NKX6-1: variants seen among roughly 807,000 people sequenced by gnomAD.
The protein encoded by NKX6-1 is NK6 homeobox 1.
A neutral mutation model predicts 24.9 loss-of-function variants in NKX6-1; 11 were observed. That is an observed-to-expected ratio of 0.44 (90% CI 0.28 to 0.73). NKX6-1 has a LOEUF of 0.73. Ranked by LOEUF, NKX6-1 falls within the 30% of genes least tolerant of loss-of-function variation. NKX6-1 has a pLI of 0.15. For synonymous variants in NKX6-1, 277 were observed against 242.9 expected, an observed-to-expected ratio of 1.14 and a Z score of -1.31; for missense variants, 487 against 502.9, an observed-to-expected ratio of 0.97 and a Z score of 0.30.
Position 84,493,019 on chromosome 4 carries a change from C to A in NKX6-1, c.*270G>T, listed in dbSNP as rs547700817. The A allele has an allele frequency of 4.0e-6, 1 of 253,070 alleles. No homozygotes were observed. The highest frequency in any genetic ancestry group is 5.5e-5 in the Admixed American group (1 of 18,068). 15.7% of individuals were successfully genotyped at this position (253,070 alleles called of 1,614,324 possible). A position where few individuals can be genotyped will look rare whatever the true frequency, so the allele number is the denominator to read the frequency against. ...CGCGGCTGGGACCGTGGCCCGGCTGCGGGTTTCAGTAGCGACATTTACGCA... is the reference window on the plus strand; with the variant it reads ...CGCGGCTGGGACCGTGGCCCGGCTGAGGGTTTCAGTAGCGACATTTACGCA... On this transcript the variant is annotated 3_prime_UTR_variant, in exon 3 of 3. Coordinates refer to ENST00000295886, the MANE Select transcript of NKX6-1 (RefSeq NM_006168.3). The surrounding 1 kb of genome is among the most constrained non-coding windows in gnomAD (Gnocchi z 5.1).
Position 84,497,761 on chromosome 4 carries a change from C to G in NKX6-1, c.468G>C (p.Leu156=). 7.8e-7 allele frequency: 1 copy of G among 1,276,610 alleles called. No individual in the cohort carries two copies. The allele number at this position is 1,276,610 out of a possible 1,614,324, so 79.1% of individuals were successfully genotyped here. A position where few individuals can be genotyped will look rare whatever the true frequency, so the allele number is the denominator to read the frequency against. Residue 156 remains leucine (L), a synonymous_variant, in exon 1 of 3, where the codon CTG becomes CTC. Coordinates refer to ENST00000295886, the MANE Select transcript of NKX6-1 (RefSeq NM_006168.3). The surrounding 1 kb of genome is among the most constrained non-coding windows in gnomAD (Gnocchi z 4.8). The part of the protein sequence containing the change: ...AAAAASSPAG[L]LAGLPRFSSL... ...TGCTAAAGCGTGGCAGTCCGGCCAG[C>G]AGCCCCGCCGGGGATGAGGCGGCGG... is the stretch of plus-strand genomic sequence containing the variant.
Position 84,497,860 on chromosome 4 carries a change from G to A in NKX6-1, c.369C>T (p.Ser123=), listed in dbSNP as rs1720853883. Residue 123 remains serine (S), a synonymous_variant, in exon 1 of 3, where the codon TCC becomes TCT. Transcript: ENST00000295886. This position sits in a 1 kb window ranked among gnomAD's most constrained non-coding sequence, Gnocchi z 4.8. ...AGGCGGACGAGGAAGAGGAGGAGGA[G>A]GAACCGGAGGGCGAGGCGGAGGGCA... ...AALPSASPSG[S]SSSSSSSASA... is the part of the protein sequence containing the mutation. The A allele has an allele frequency of 1.6e-6, 2 of 1,277,536 alleles. No individual in the cohort carries two copies. Among genetic ancestry groups the A allele is most frequent in the Non-Finnish European group, 2.0e-6 (2 of 1,014,698 alleles). 79.1% of individuals were successfully genotyped at this position (1,277,536 alleles called of 1,614,324 possible). A position where few individuals can be genotyped will look rare whatever the true frequency, so the allele number is the denominator to read the frequency against.
intron 2 of NKX6-1, among the ~76,000 whole-genome samples, chr4:84,494,385 AT>A (rs1451726432): frequency 2.0e-5 from 3 of 152,324 alleles, no homozygotes; most frequent in South Asian, 2.1e-4. Flanking sequence ...TAATACAAAT[AT>A]TTTTAAGCTT....
Position 84,493,037 on chromosome 4 carries a change from T to G in NKX6-1, c.*252A>C. On this transcript the variant is annotated 3_prime_UTR_variant, in exon 3 of 3. Transcript: ENST00000295886. This position sits in a 1 kb window ranked among gnomAD's most constrained non-coding sequence, Gnocchi z 5.1. ...CCGGCTGCGGGTTTCAGTAGCGACA[T>G]TTACGCAGTGCATTTGGTGGTCTTT... 1 of 297,858 alleles carries G rather than the reference T, an allele frequency of 3.4e-6. No individual in the cohort carries two copies. Among genetic ancestry groups the G allele is most frequent in the Non-Finnish European group, 6.1e-6 (1 of 163,754 alleles). 18.5% of individuals were successfully genotyped at this position (297,858 alleles called of 1,614,324 possible). A position where few individuals can be genotyped will look rare whatever the true frequency, so the allele number is the denominator to read the frequency against.
At position 84,493,119 on chromosome 4, in the gene NKX6-1, G is replaced by T; in HGVS notation, c.*170C>A. Reference sequence around the variant, plus strand: ...CTACATCCCCTCCCACAACTTCAAGGTTAAAAAAATAGATATGTACATCTC... The same window carrying T: ...CTACATCCCCTCCCACAACTTCAAGTTTAAAAAAATAGATATGTACATCTC... On this transcript the variant is annotated 3_prime_UTR_variant, in exon 3 of 3. Coordinates refer to ENST00000295886, the MANE Select transcript of NKX6-1 (RefSeq NM_006168.3). The surrounding 1 kb of genome is among the most constrained non-coding windows in gnomAD (Gnocchi z 5.1). The T allele has an allele frequency of 1.9e-6, 1 of 525,366 alleles. No individual in the cohort carries two copies. Among genetic ancestry groups the T allele is most frequent in the Non-Finnish European group, 3.0e-6 (1 of 335,436 alleles). 32.5% of individuals were successfully genotyped at this position (525,366 alleles called of 1,614,324 possible).
intron 1 of NKX6-1, 67 bp from the exon 2 acceptor site, chr4:84,495,911 G>GA (rs1191992734): frequency 6.7e-6 from 10 of 1,485,818 alleles, no homozygotes; most frequent in African/African-American, 1.4e-5. Flanking sequence ...GCACTAGGGG[G>GA]AAAAAACGAA....
rs1245783313 is a variant in NKX6-1, at chr4:84,497,806, CGCG to C, written c.420_422del (p.Ala150del). 5.5e-6 allele frequency: 7 copies of C among 1,262,692 alleles called. No homozygotes were observed. Among genetic ancestry groups the C allele is most frequent in the South Asian group, 3.1e-5 (1 of 32,712 alleles). The allele number at this position is 1,262,692 out of a possible 1,614,324, so 78.2% of individuals were successfully genotyped here. A position where few individuals can be genotyped will look rare whatever the true frequency, so the allele number is the denominator to read the frequency against. On this transcript the variant is annotated inframe_deletion, in exon 1 of 3. Coordinates refer to ENST00000295886, the MANE Select transcript of NKX6-1 (RefSeq NM_006168.3). This position sits in a 1 kb window ranked among gnomAD's most constrained non-coding sequence, Gnocchi z 4.8. ...CGGCGGCTGCGGCCGCGGCAGCAGCCGCGGCGGCGGCAGAGGCGGAGGAGGCAG... is the reference window on the plus strand; with the variant it reads ...CGGCGGCTGCGGCCGCGGCAGCAGCCGCGGCGGCAGAGGCGGAGGAGGCAG...
Position 84,493,496 on chromosome 4 carries a change from C to T in NKX6-1, c.897G>A (p.Met299Ile). 2 of 1,614,244 alleles carry T rather than the reference C, an allele frequency of 1.2e-6. No homozygotes were observed. Among genetic ancestry groups the T allele is most frequent in the Non-Finnish European group, 1.7e-6 (2 of 1,180,046 alleles). Residue 299 changes from methionine to isoleucine, a missense_variant, in exon 3 of 3, where the codon ATG becomes ATA. Coordinates refer to ENST00000295886, the MANE Select transcript of NKX6-1 (RefSeq NM_006168.3). This position sits in a 1 kb window ranked among gnomAD's most constrained non-coding sequence, Gnocchi z 5.1. ...AGTCCTGCTTCTTCTTGGCCGTGGC[C>T]ATCTCGGCAGCGTGCTTCTTCCTCC... is the stretch of plus-strand genomic sequence containing the variant. The part of the protein sequence containing the change: ...TKWRKKHAAE[M>I]ATAKKKQDSE...
In NKX6-1 at chr4:84,497,203, T is replaced by C. The variant is rs78118001; in HGVS notation, c.670+356A>G. On this transcript the variant is annotated intron_variant, in intron 1 of 2. Coordinates refer to ENST00000295886, the MANE Select transcript of NKX6-1 (RefSeq NM_006168.3). This position sits in a 1 kb window ranked among gnomAD's most constrained non-coding sequence, Gnocchi z 4.8. ...TCCCCTCTCCTCCCCATCTTTCTAA[T>C]CCAGGCCAGGCCTGCGGTCCTGGCC... Among the ~76,000 whole-genome samples the C allele has an allele frequency of 0.054, 8,161 of 151,960 alleles. 701 individuals are homozygous for C. Among genetic ancestry groups the C allele is most frequent in the African/African-American group, 0.19 (7,763 of 41,408 alleles).
In NKX6-1 at chr4:84,493,667, G is replaced by T; in HGVS notation, c.844-118C>A. ...CCCTCCCGCGGCCCCCCGAAGGCCT[G>T]CTGCCCTCCCTCGCAGCCCTCCCTT... is the stretch of plus-strand genomic sequence containing the variant. On this transcript the variant is annotated intron_variant, in intron 2 of 2. Coordinates refer to ENST00000295886, the MANE Select transcript of NKX6-1 (RefSeq NM_006168.3). The surrounding 1 kb of genome is among the most constrained non-coding windows in gnomAD (Gnocchi z 5.1). 1.6e-6 allele frequency: 2 copies of T among 1,275,704 alleles called. No homozygotes were observed. Among genetic ancestry groups the T allele is most frequent in the South Asian group, 1.4e-5 (1 of 71,008 alleles). The allele number at this position is 1,275,704 out of a possible 1,614,324, so 79.0% of individuals were successfully genotyped here.
At position 84,493,491 on chromosome 4, in the gene NKX6-1, G is replaced by A; in HGVS notation, c.902C>T (p.Thr301Met). ...CTCCGAGTCCTGCTTCTTCTTGGCC[G>A]TGGCCATCTCGGCAGCGTGCTTCTT... ...WRKKHAAEMA[T>M]AKKKQDSETE... is the part of the protein sequence containing the mutation. The change falls in exon 3 of 3, where the codon ACG (threonine) becomes ATG (methionine). Residue 301 changes from threonine to methionine, a missense_variant. Coordinates refer to ENST00000295886, the MANE Select transcript of NKX6-1 (RefSeq NM_006168.3). The surrounding 1 kb of genome is among the most constrained non-coding windows in gnomAD (Gnocchi z 5.1). 6.2e-7 allele frequency: 1 copy of A among 1,614,222 alleles called. No individual in the cohort carries two copies. The highest frequency in any genetic ancestry group is 1.1e-5 in the South Asian group (1 of 91,092).
rs369226825 is a variant in NKX6-1 at position 84,493,449 on chromosome 4, C to G, written c.944G>C (p.Gly315Ala). The change falls in exon 3 of 3, where the codon GGG becomes GCG. Residue 315 changes from glycine to alanine, a missense_variant. Physicochemically the swap from Gly to Ala is moderately conservative, Grantham distance 60. Transcript: ENST00000295886. This position sits in a 1 kb window ranked among gnomAD's most constrained non-coding sequence, Gnocchi z 5.1. ...GTCCTCTTCCTCGTTCTCCGAGGCC[C>G]CCTTGAGGCGCTCTGTCTCCGAGTC... Reference protein sequence around the residue: ...KQDSETERLKGASENEEEDDD... With the variant: ...KQDSETERLKAASENEEEDDD... The G allele has an allele frequency of 2.1e-5, 34 of 1,614,270 alleles. No individual in the cohort carries two copies. In the African/African-American group the frequency reaches 4.4e-4, roughly 21 times the overall value.
At chr4:84,495,955 TCA>T (rs1720810842) in intron 1 of NKX6-1, 111 bp from the exon 2 acceptor site, 1 of 1,121,808 alleles carries the variant, frequency 8.9e-7, no homozygotes, top group Admixed American at 2.0e-5. Context: ...GAAAGAAAGC[TCA>T]GTCTGTGGCG....
intron 1 of NKX6-1, chr4:84,496,657 C>T (rs549526028): frequency 3.7e-4 from 57 of 152,422 alleles, no homozygotes; most frequent in African/African-American, 1.2e-3. Flanking sequence ...TGGGAGCCTC[C>T]GCGGCGCTGC....
chr4:84,492,192 A>C lies in NKX6-1; in HGVS notation c.*1097T>G, dbSNP rs1720738263. On this transcript the variant is annotated 3_prime_UTR_variant, in exon 3 of 3. Transcript: ENST00000295886. ...CTATAGTATTCTTATGATACAAAACACTTCAAATTCAATTACAGTAACTAA... is the reference window on the plus strand; with the variant it reads ...CTATAGTATTCTTATGATACAAAACCCTTCAAATTCAATTACAGTAACTAA... 6.6e-6 allele frequency: 1 copy of C among 152,214 alleles called. No homozygotes were observed. Among genetic ancestry groups the C allele is most frequent in the Non-Finnish European group, 1.5e-5 (1 of 68,040 alleles). 9.4% of individuals were successfully genotyped at this position (152,214 alleles called of 1,614,324 possible). A position where few individuals can be genotyped will look rare whatever the true frequency, so the allele number is the denominator to read the frequency against.
At position 84,497,848 on chromosome 4, in the gene NKX6-1, AGAGGAG is replaced by A. The variant is rs754297558; in HGVS notation, c.375_380del (p.Ser129_Ser130del). The A allele has an allele frequency of 3.9e-6, 5 of 1,272,062 alleles. No homozygotes were observed. Among genetic ancestry groups the A allele is most frequent in the Admixed American group, 4.1e-5 (1 of 24,344 alleles). The allele number at this position is 1,272,062 out of a possible 1,614,324, so 78.8% of individuals were successfully genotyped here. On this transcript the variant is annotated inframe_deletion, in exon 1 of 3. Transcript: ENST00000295886. The surrounding 1 kb of genome is among the most constrained non-coding windows in gnomAD (Gnocchi z 4.8). ...CGGAGGAGGCAGAGGCGGACGAGGA[AGAGGAG>A]GAGGAGGAACCGGAGGGCGAGGCGG...
rs951082013 is a variant in NKX6-1, at chr4:84,492,981, C to T, written c.*308G>A. 5.2e-6 allele frequency: 1 copy of T among 192,008 alleles called. No homozygotes were observed. Among genetic ancestry groups the T allele is most frequent in the African/African-American group, 2.3e-5 (1 of 43,346 alleles). The allele number at this position is 192,008 out of a possible 1,614,324, so 11.9% of individuals were successfully genotyped here. Reference sequence around the variant, plus strand: ...GGGACCCGGGCGCTGAGGCCGCTGCCCGCCTATGGGGACGCGGCTGGGACC... The same window carrying T: ...GGGACCCGGGCGCTGAGGCCGCTGCTCGCCTATGGGGACGCGGCTGGGACC... On this transcript the variant is annotated 3_prime_UTR_variant, in exon 3 of 3. Transcript: ENST00000295886.
chr4:84,498,182 A>G lies in NKX6-1; in HGVS notation c.47T>C (p.Leu16Pro), dbSNP rs374301540. The change falls in exon 1 of 3, where the codon CTG (leucine) becomes CCG (proline). Residue 16 changes from leucine to proline, a missense_variant. Physicochemically the swap from Leu to Pro is moderately conservative, Grantham distance 98. This residue lies in a region of NKX6-1 where 316 missense variants were observed against 311.4 expected (regional missense o/e 1.01). Transcript: ENST00000295886. Reference protein sequence around the residue: ...AMEGTRQSAFLLSSPPLAALH... With the variant: ...AMEGTRQSAFPLSSPPLAALH... ...GGCGGCCAGGGGAGGGCTGCTGAGC[A>G]GGAATGCGCTCTGCCGGGTGCCCTC... 8.5e-6 allele frequency: 11 copies of G among 1,297,706 alleles called. No individual in the cohort carries two copies. The African/African-American group carries it at 1.7e-4, about 20-fold the overall frequency. The allele number at this position is 1,297,706 out of a possible 1,614,324, so 80.4% of individuals were successfully genotyped here. A position where few individuals can be genotyped will look rare whatever the true frequency, so the allele number is the denominator to read the frequency against.
At chr4:84,495,405 ATGCTG>A (rs1720797294) in intron 2 of NKX6-1, among the ~76,000 whole-genome samples, 2 of 152,168 alleles carry the variant, frequency 1.3e-5, no homozygotes, top group Admixed American at 1.3e-4. Context: ...CCCCCAGCAC[ATGCTG>A]CTATATAGAT....
Sources: gnomAD v4.1 joint callset for allele counts (sites outside exome capture counted in the v4.1 genomes callset) on GRCh38, gnomAD v4.1.1 for gene constraint, gnomAD v4.1.1 regional missense constraint, Gnocchi (gnomAD v3.1) non-coding constraint, MANE v1.5 for transcripts, NCBI Gene and HGNC (gene_info 2026-07-23, HGNC 2026-07-21) for gene names.